Variants in XRCC5 observed in about 807,000 individuals in gnomAD.
XRCC5 encodes the protein X-ray repair cross complementing 5, also known as DNA repair protein Ku80.
A neutral mutation model predicts 95.7 loss-of-function variants in XRCC5; 12 were observed. The observed-to-expected ratio is 0.13, with a 90% CI of 0.08 to 0.20. The LOEUF is 0.20. XRCC5 is among the 10% of genes least tolerant of loss of function. XRCC5 has a pLI of 1.00. For missense variants in XRCC5, 595 were observed against 873.9 expected, an observed-to-expected ratio of 0.68 and a Z score of 4.02; for synonymous variants, 281 against 290.3, an observed-to-expected ratio of 0.97 and a Z score of 0.33.
At chr2:216,188,951 G>C (rs1417848416) in intron 16 of XRCC5, among the ~76,000 whole-genome samples, 2 of 152,240 alleles carry the variant, frequency 1.3e-5, no homozygotes, top group Non-Finnish European at 2.9e-5. Context: ...CGAGTTGGTA[G>C]AAGGGATGAA....
At chr2:216,166,692 C>CTAAAA (rs532625091) in intron 16 of XRCC5, among the ~76,000 whole-genome samples, 4 of 152,032 alleles carry the variant, frequency 2.6e-5, no homozygotes, top group African/African-American at 7.2e-5. Context: ...AGGAAGAATG[C>CTAAAA]TAAAATAAAA....
intron 13 of XRCC5, among the ~76,000 whole-genome samples, chr2:216,143,887 T>G (rs537009924): frequency 9.6e-5 from 14 of 145,230 alleles, no homozygotes; most frequent in Admixed American, 9.5e-4. Flanking sequence ...TTTTTTTTTT[T>G]GTATTTTTAG....
intron 4 of XRCC5, among the ~76,000 whole-genome samples, chr2:216,118,552 CAT>C (rs1364077901): frequency 6.6e-6 from 1 of 152,190 alleles, no homozygotes; most frequent in Non-Finnish European, 1.5e-5. Context: ...TGCATGTACA[CAT>C]ACCTCTTGCC....
chr2:216,132,231 AAG>A lies in XRCC5; in HGVS notation c.1051-91_1051-90del, dbSNP rs1230404237. ...TTTTAGTATCTGAATGTTTTTCAGT[AAG>A]AGGATTTTGAATGGAATTTCTTGGC... On this transcript the variant is annotated intron_variant, in intron 9 of 20. Coordinates refer to ENST00000392132, the MANE Select transcript of XRCC5 (RefSeq NM_021141.4). 1.5e-5 allele frequency: 18 copies of A among 1,209,906 alleles called. No individual in the cohort carries two copies. In the Admixed American group the frequency reaches 2.9e-4, roughly 19 times the overall value. The allele number at this position is 1,209,906 out of a possible 1,614,324, so 74.9% of individuals were successfully genotyped here. A position where few individuals can be genotyped will look rare whatever the true frequency, so the allele number is the denominator to read the frequency against.
chr2:216,123,757 G>T (rs952513668), intron 6 of XRCC5, among the ~76,000 whole-genome samples: 1 of 152,228 alleles, frequency 6.6e-6, no homozygotes, highest in Non-Finnish European at 1.5e-5. Flanking sequence ...AATGAGCCAA[G>T]ATCATGCCAC....
At chr2:216,134,029 A>T (rs1363280179) in intron 10 of XRCC5, among the ~76,000 whole-genome samples, 2 of 152,230 alleles carry the variant, frequency 1.3e-5, no homozygotes, top group South Asian at 4.1e-4. Flanking sequence ...TTTGTTCAAG[A>T]TGAAGAATTA....
At chr2:216,160,777 T>C (rs902545642) in intron 15 of XRCC5, among the ~76,000 whole-genome samples, 8 of 152,114 alleles carry the variant, frequency 5.3e-5, no homozygotes, top group Non-Finnish European at 1.0e-4. Context: ...CGGAGTACAG[T>C]AGTGTGATTT....
At chr2:216,198,632 T>C (rs537535870) in intron 19 of XRCC5, among the ~76,000 whole-genome samples, 38 of 152,208 alleles carry the variant, frequency 2.5e-4, no homozygotes, top group African/African-American at 7.9e-4. Context: ...CTCAGCTCAC[T>C]GCAACCTCTG....
At chr2:216,142,064 GA>G (rs1475324719) in intron 13 of XRCC5, among the ~76,000 whole-genome samples, 4 of 150,036 alleles carry the variant, frequency 2.7e-5, no homozygotes, top group Admixed American at 6.6e-5. Flanking sequence ...TAAAAAAAAA[GA>G]AAAAAAAAGG....
At chr2:216,203,620 A>G (rs538355617) in intron 19 of XRCC5, among the ~76,000 whole-genome samples, 1 of 152,330 alleles carries the variant, frequency 6.6e-6, no homozygotes, top group South Asian at 2.1e-4. Context: ...ATTACTATGT[A>G]TCTGCCTTTC....
chr2:216,204,872 T>C (rs1689913387), intron 20 of XRCC5, among the ~76,000 whole-genome samples: 1 of 152,224 alleles, frequency 6.6e-6, no homozygotes, highest in Non-Finnish European at 1.5e-5. Context: ...ATGTTGTTGA[T>C]GTCTGGGAAG....
intron 13 of XRCC5, among the ~76,000 whole-genome samples, chr2:216,146,609 ATTTC>A (rs768816515): frequency 2.6e-5 from 4 of 152,200 alleles, no homozygotes; most frequent in Admixed American, 6.5e-5. Context: ...TGATAGTTTC[ATTTC>A]TTTCTTTGTT....
At chr2:216,127,720 C>G (rs1409895691) in intron 8 of XRCC5, 46 bp downstream of exon 8, 2 of 1,538,036 alleles carry the variant, frequency 1.3e-6, no homozygotes, top group Non-Finnish European at 1.7e-6. Flanking sequence ...ACATTTTCTT[C>G]AACATGATGT....
At chr2:216,141,429 C>T (rs574169071) in intron 13 of XRCC5, 110 bp downstream of exon 13, 554 of 1,097,314 alleles carry the variant, frequency 5.0e-4, no homozygotes, top group South Asian at 1.8e-3. Flanking sequence ...CTCTGAAGGC[C>T]CCATTTGCTC....
intron 1 of XRCC5, among the ~76,000 whole-genome samples, chr2:216,111,072 A>G (rs973876576): frequency 6.6e-6 from 1 of 152,238 alleles, no homozygotes; most frequent in African/African-American, 2.4e-5. Context: ...TCTAGGGTCA[A>G]GAGATCACTT....
intron 14 of XRCC5, among the ~76,000 whole-genome samples, chr2:216,154,155 C>T (rs74621267): frequency 0.022 from 3,309 of 152,288 alleles, 128 homozygotes; most frequent in African/African-American, 0.076. Context: ...TCAAGCATTT[C>T]CCCTTAAAAG....
Position 216,156,129 on chromosome 2 carries a change from A to G in XRCC5, c.1671-3939A>G, listed in dbSNP as rs116090744. On this transcript the variant is annotated intron_variant, in intron 14 of 20. Transcript: ENST00000392132. ...GCCCTAGTTATATCTAAAGAAAAATATACTTTCATACAGATTTCACAGCTT... is the reference window on the plus strand; with the variant it reads ...GCCCTAGTTATATCTAAAGAAAAATGTACTTTCATACAGATTTCACAGCTT... Among the ~76,000 whole-genome samples the G allele has an allele frequency of 1.5e-3, 235 of 152,378 alleles. 1 individual carries two copies. Among genetic ancestry groups the G allele is most frequent in the African/African-American group, 5.6e-3 (233 of 41,594 alleles).
intron 5 of XRCC5, among the ~76,000 whole-genome samples, chr2:216,120,490 T>G (rs1696783725): frequency 6.6e-6 from 1 of 152,230 alleles, no homozygotes; most frequent in African/African-American, 2.4e-5. Flanking sequence ...TTTTACTGTT[T>G]GGTGTATTCC....
chr2:216,109,630 G>C (rs1176381839), intron 1 of XRCC5, among the ~76,000 whole-genome samples, 173 bp downstream of exon 1: 1 of 152,092 alleles, frequency 6.6e-6, no homozygotes, highest in African/African-American at 2.4e-5. Context: ...GAGAAAAGCT[G>C]GAGATTTGGG....
Sources: allele counts gnomAD v4.1 joint callset (sites outside exome capture counted in the v4.1 genomes callset), GRCh38; gene constraint gnomAD v4.1.1; transcripts MANE v1.5; gene names NCBI Gene and HGNC (gene_info 2026-07-23, HGNC 2026-07-21).